The following SYTL2 variants were observed in gnomAD, a reference collection of about 807,000 sequenced individuals.
The protein encoded by SYTL2 is synaptotagmin like 2.
Under a neutral mutation model 198.7 loss-of-function variants are expected in SYTL2, and 165 were observed. The ratio of observed to expected loss-of-function variants is 0.83; its 90% confidence interval spans 0.73 to 0.94. The LOEUF is 0.94. Among genes scored for constraint, SYTL2 ranks in the 40% least tolerant of loss-of-function variants. The pLI, the probability that SYTL2 is intolerant of heterozygous loss-of-function variation, is 0.00. For synonymous variants in SYTL2, 966 were observed against 917.7 expected (o/e 1.05, Z -0.95); for missense variants, 2,835 against 2,582.8 (o/e 1.10, Z -2.12).
chr11:85,741,111 C>T (rs1431992508), intron 4 of SYTL2, among the ~76,000 whole-genome samples: 1 of 151,514 alleles, frequency 6.6e-6, no homozygotes, highest in Non-Finnish European at 1.5e-5. Flanking sequence ...TTTATAGAAC[C>T]AAATTCTACA....
At chr11:85,849,433 T>C in the SYTL2 span, among the ~76,000 whole-genome samples, 1 of 152,202 alleles carries the variant, frequency 6.6e-6, no homozygotes, top group Non-Finnish European at 1.5e-5. Flanking sequence ...GGTCTAACGT[T>C]TAAGTCTTTA....
rs1175107235 is a variant in SYTL2 at position 85,725,658 on chromosome 11, G to A, written c.3700C>T (p.Pro1234Ser). 4.3e-6 allele frequency: 7 copies of A among 1,614,040 alleles called. No individual in the cohort carries two copies. Among genetic ancestry groups the A allele is most frequent in the Non-Finnish European group, 2.5e-6 (3 of 1,180,004 alleles). The part of the protein sequence containing the change: ...SPSPLQAKLA[P>S]VITGTNSKLE... The stretch of plus-strand genomic sequence containing the variant: ...TTAGAGTTGGTTCCAGTGATAACAG[G>A]CGCCAACTTGGCTTGCAAGGGAGAG... Residue 1234 changes from proline to serine, a missense_variant, in exon 8 of 20, where the codon CCT becomes TCT. This residue lies in a region of SYTL2 where 2,645 missense variants were observed against 2,381.7 expected (regional missense o/e 1.11). Transcript: ENST00000359152.
intron 1 of SYTL2, among the ~76,000 whole-genome samples, chr11:85,788,615 A>C (rs2092674386): frequency 6.6e-6 from 1 of 152,168 alleles, no homozygotes; most frequent in African/African-American, 2.4e-5. Context: ...CCCTTAGTTC[A>C]TCCAGGTTTC....
chr11:85,721,863 C>T (rs2088361776), intron 8 of SYTL2, among the ~76,000 whole-genome samples: 1 of 152,130 alleles, frequency 6.6e-6, no homozygotes, highest in Non-Finnish European at 1.5e-5. Context: ...CTTCTCTGTG[C>T]ATAATGGCCC....
the SYTL2 span, among the ~76,000 whole-genome samples, chr11:85,818,059 T>C: frequency 1.3e-4 from 19 of 151,966 alleles, no homozygotes; most frequent in Non-Finnish European, 1.2e-4. Flanking sequence ...TGGACCACCA[T>C]GCCCAGCTAA....
At chr11:85,737,467 C>G (rs531864978) in intron 5 of SYTL2, 108 bp downstream of exon 5, 72 of 834,424 alleles carry the variant, frequency 8.6e-5, no homozygotes, top group Middle Eastern at 6.8e-4. Context: ...TATTTGGTAC[C>G]AAAAAACTGT....
At chr11:85,772,793 G>T (rs2092381385) in intron 1 of SYTL2, among the ~76,000 whole-genome samples, 2 of 152,172 alleles carry the variant, frequency 1.3e-5, no homozygotes, top group African/African-American at 4.8e-5. Context: ...TATTCAGCTG[G>T]CCTTTTGGAG....
intron 1 of SYTL2, among the ~76,000 whole-genome samples, chr11:85,784,775 G>A (rs969657784): frequency 1.3e-5 from 2 of 151,990 alleles, no homozygotes; most frequent in African/African-American, 4.8e-5. Context: ...TCACACACAC[G>A]CAAAGAATTA....
At chr11:85,810,164 T>C (rs557637558) in intron 1 of SYTL2, among the ~76,000 whole-genome samples, 1 of 152,300 alleles carries the variant, frequency 6.6e-6, no homozygotes, top group East Asian at 1.9e-4. Context: ...AGCCTGTTCT[T>C]ATCTAGGCTT....
intron 1 of SYTL2, among the ~76,000 whole-genome samples, chr11:85,794,951 C>A (rs576783419): frequency 2.0e-5 from 3 of 152,026 alleles, no homozygotes; most frequent in African/African-American, 7.2e-5. Context: ...CATTCCTTTA[C>A]AATATCACTA....
At chr11:85,730,432 G>A (rs1341201182) in intron 7 of SYTL2, among the ~76,000 whole-genome samples, 1 of 152,174 alleles carries the variant, frequency 6.6e-6, no homozygotes, top group Non-Finnish European at 1.5e-5. Flanking sequence ...TGAAAGGCTG[G>A]TGCAACATAT....
the SYTL2 span, among the ~76,000 whole-genome samples, chr11:85,849,422 A>G: frequency 6.6e-6 from 1 of 152,112 alleles, no homozygotes; most frequent in Non-Finnish European, 1.5e-5. Context: ...TTATGGTTTT[A>G]GGTCTAACGT....
chr11:85,725,840 T>C lies in SYTL2; in HGVS notation c.3518A>G (p.Gln1173Arg), dbSNP rs1341929128. ...PSVSENRTWP[Q>R]KTDFADTEEE... ...CTCAGTATCAGCAAAATCTGTTTTT[T>C]GAGGCCATGTCCTATTTTCAGAAAC... The change falls in exon 8 of 20, where the codon CAA becomes CGA. Residue 1173 changes from glutamine to arginine, a missense_variant. Coordinates refer to ENST00000359152, the MANE Select transcript of SYTL2 (RefSeq NM_206927.4). The C allele has an allele frequency of 5.0e-6, 8 of 1,614,022 alleles. No homozygotes were observed. Among genetic ancestry groups the C allele is most frequent in the Non-Finnish European group, 5.1e-6 (6 of 1,179,978 alleles).
chr11:85,725,993 T>G lies in SYTL2; in HGVS notation c.3365A>C (p.Asn1122Thr). 1 of 1,613,844 alleles carries G rather than the reference T, an allele frequency of 6.2e-7. No homozygotes were observed. Among genetic ancestry groups the G allele is most frequent in the Non-Finnish European group, 8.5e-7 (1 of 1,179,942 alleles). Residue 1122 changes from asparagine to threonine, a missense_variant, in exon 8 of 20, where the codon AAT (asparagine) becomes ACT (threonine). Coordinates refer to ENST00000359152, the MANE Select transcript of SYTL2 (RefSeq NM_206927.4). ...QEIQESIIKT[N>T]VLSKDCKDTF... ...GTCTTTGCAGTCTTTAGACAAAACA[T>G]TGGTTTTTATTATGGATTCTTGAAT...
At chr11:85,852,136 T>C in the SYTL2 span, among the ~76,000 whole-genome samples, 2 of 152,230 alleles carry the variant, frequency 1.3e-5, no homozygotes, top group African/African-American at 4.8e-5. Flanking sequence ...TTCAAGTTCT[T>C]AATACGTTAT....
rs936091981 is a variant in SYTL2, at chr11:85,781,909, C to G, written c.-389-23795G>C. 2.0e-5 allele frequency among the ~76,000 whole-genome samples: 3 copies of G among 152,204 alleles called. No individual in the cohort carries two copies. The East Asian group carries it at 5.8e-4, about 29-fold the overall frequency. On this transcript the variant is annotated intron_variant, in intron 1 of 19. Transcript: ENST00000359152. Reference sequence around the variant, plus strand: ...GCTTTCACAGGCTGGCATTGAGTGTCTACAGCTTTTCCAGGCACACAGTGC... The same window carrying G: ...GCTTTCACAGGCTGGCATTGAGTGTGTACAGCTTTTCCAGGCACACAGTGC...
intron 11 of SYTL2, 116 bp from the exon 12 acceptor site, chr11:85,714,623 G>A: frequency 6.9e-7 from 1 of 1,456,952 alleles, no homozygotes; most frequent in South Asian, 1.4e-5. Flanking sequence ...TTGTAAAAAA[G>A]TTAAAGGCAG....
chr11:85,764,736 G>C (rs113744822), intron 1 of SYTL2, among the ~76,000 whole-genome samples: 12 of 152,236 alleles, frequency 7.9e-5, no homozygotes, highest in Non-Finnish European at 1.5e-4. Context: ...CTTTGGATTT[G>C]GTTTATGGAT....
chr11:85,748,464 G>C, intron 2 of SYTL2, 41 bp from the exon 3 acceptor site: 2 of 1,602,502 alleles, frequency 1.2e-6, no homozygotes, highest in Non-Finnish European at 1.7e-6. Flanking sequence ...AGAACCCACA[G>C]TAAATAAATG....
Sources: gnomAD v4.1 joint callset for allele counts (sites outside exome capture counted in the v4.1 genomes callset) on GRCh38, gnomAD v4.1.1 for gene constraint, gnomAD v4.1.1 regional missense constraint, MANE v1.5 for transcripts, NCBI Gene and HGNC (gene_info 2026-07-23, HGNC 2026-07-21) for gene names.